The following MTUS2 variants were observed in gnomAD, a reference collection of about 807,000 sequenced individuals.
The protein encoded by MTUS2 is microtubule-associated tumor suppressor candidate 2.
MTUS2 carries 40 observed loss-of-function variants against 114.1 expected under a neutral mutation model. That is an observed-to-expected ratio of 0.35 (90% CI 0.27 to 0.46). The LOEUF (loss-of-function observed/expected upper bound fraction) is 0.46. Among genes scored for constraint, MTUS2 ranks in the 20% least tolerant of loss-of-function variants. The pLI is 1.00. For synonymous variants in MTUS2, 688 were observed against 672.0 expected (o/e 1.02, Z -0.37); for missense variants, 1,679 against 1,705.4 (o/e 0.98, Z 0.27).
At chr13:28,956,061 C>T (rs911188220) in intron 2 of MTUS2, among the ~76,000 whole-genome samples, 9 of 148,162 alleles carry the variant, frequency 6.1e-5, no homozygotes, top group South Asian at 2.2e-4. Flanking sequence ...CTTGCCCCCC[C>T]CCATCCTTTC....
At chr13:29,325,225 G>A (rs1423058135) in intron 7 of MTUS2, among the ~76,000 whole-genome samples, 2 of 152,290 alleles carry the variant, frequency 1.3e-5, no homozygotes, top group African/African-American at 4.8e-5. Flanking sequence ...GGAGGCCAAG[G>A]CAGGTGGATC....
At chr13:29,446,075 C>T (rs1431035011) in intron 9 of MTUS2, among the ~76,000 whole-genome samples, 1 of 152,082 alleles carries the variant, frequency 6.6e-6, no homozygotes, top group African/African-American at 2.4e-5. Context: ...CCTAAGTCAT[C>T]GTTAGCATAA....
chr13:28,882,313 G>T (rs1475183601), intron 2 of MTUS2, among the ~76,000 whole-genome samples: 2 of 152,148 alleles, frequency 1.3e-5, no homozygotes, highest in African/African-American at 4.8e-5. Context: ...CTCCCAAAGT[G>T]CTGGGGTTAC....
intron 8 of MTUS2, among the ~76,000 whole-genome samples, chr13:29,414,559 T>G (rs1415893583): frequency 6.6e-6 from 1 of 151,914 alleles, no homozygotes; most frequent in Non-Finnish European, 1.5e-5. Context: ...TGTTTTTGTA[T>G]ATTATGGGAA....
intron 8 of MTUS2, among the ~76,000 whole-genome samples, chr13:29,427,670 T>G (rs1876652147): frequency 6.6e-6 from 1 of 152,210 alleles, no homozygotes; most frequent in Non-Finnish European, 1.5e-5. Flanking sequence ...GAGCCTATAC[T>G]ACTTAATTAA....
intron 4 of MTUS2, among the ~76,000 whole-genome samples, chr13:29,075,400 T>G (rs1050734862): frequency 6.6e-6 from 1 of 152,216 alleles, no homozygotes; most frequent in Non-Finnish European, 1.5e-5. Context: ...TTATAAAAGT[T>G]TTGAATCCTA....
At chr13:29,120,034 C>T (rs956858130) in intron 5 of MTUS2, among the ~76,000 whole-genome samples, 2 of 152,050 alleles carry the variant, frequency 1.3e-5, no homozygotes, top group African/African-American at 4.8e-5. Flanking sequence ...AGCCAATATC[C>T]AACAAACTTA....
chr13:29,249,943 A>G (rs189451501), intron 5 of MTUS2, among the ~76,000 whole-genome samples: 18 of 152,322 alleles, frequency 1.2e-4, no homozygotes, highest in Non-Finnish European at 1.9e-4. Flanking sequence ...CCTAGGCAAT[A>G]CCATTCAGGA....
intron 5 of MTUS2, among the ~76,000 whole-genome samples, chr13:29,270,424 C>G (rs1418689471): frequency 1.3e-5 from 2 of 152,158 alleles, no homozygotes; most frequent in Non-Finnish European, 2.9e-5. Context: ...AGCACTACTT[C>G]TCAGAGCCAA....
intron 8 of MTUS2, among the ~76,000 whole-genome samples, chr13:29,410,616 A>G (rs1226302379): frequency 1.3e-5 from 2 of 152,126 alleles, no homozygotes; most frequent in Non-Finnish European, 2.9e-5. Flanking sequence ...AGAGTTTTTT[A>G]TATATTACAG....
At position 29,200,019 on chromosome 13, in the gene MTUS2, G is replaced by A. The variant is rs1469609741; in HGVS notation, c.2645-81685G>A. ...CTCGGATAGTAGTTTGTATTTCTGTGGGATCAGTGGTGATATCTGCTTTAT... is the reference window on the plus strand; with the variant it reads ...CTCGGATAGTAGTTTGTATTTCTGTAGGATCAGTGGTGATATCTGCTTTAT... On this transcript the variant is annotated intron_variant, in intron 5 of 15. Transcript: ENST00000612955. Among the ~76,000 whole-genome samples the A allele has an allele frequency of 2.0e-5, 3 of 152,020 alleles. 1 individual carries two copies. Among genetic ancestry groups the A allele is most frequent in the Admixed American group, 2.0e-4 (3 of 15,272 alleles).
chr13:29,071,031 G>A (rs1443285221), intron 4 of MTUS2, among the ~76,000 whole-genome samples: 2 of 150,544 alleles, frequency 1.3e-5, no homozygotes, highest in African/African-American at 4.9e-5. Context: ...TTGAGACAGA[G>A]TCTCATTCTG....
chr13:28,886,625 C>CT (rs949174173), intron 2 of MTUS2, among the ~76,000 whole-genome samples: 16 of 151,936 alleles, frequency 1.1e-4, no homozygotes, highest in Non-Finnish European at 1.9e-4. Context: ...TATGAGAGTG[C>CT]TAAGGGGAAA....
At chr13:28,937,907 C>T (rs1881998038) in intron 2 of MTUS2, among the ~76,000 whole-genome samples, 1 of 152,058 alleles carries the variant, frequency 6.6e-6, no homozygotes, top group Non-Finnish European at 1.5e-5. Context: ...AGCTTTGGTA[C>T]CCTCACTCCT....
intron 11 of MTUS2, chr13:29,489,834 T>A (rs1398994941): frequency 6.6e-6 from 1 of 152,266 alleles, no homozygotes; most frequent in African/African-American, 2.4e-5. Flanking sequence ...GAATGGATAC[T>A]GCCTCTTCTT....
At chr13:29,323,323 C>T (rs1199561788) in intron 6 of MTUS2, among the ~76,000 whole-genome samples, 1 of 151,568 alleles carries the variant, frequency 6.6e-6, no homozygotes, top group Non-Finnish European at 1.5e-5. Flanking sequence ...GATCTCGGCT[C>T]ACTGCAAGCG....
chr13:29,328,653 G>C lies in MTUS2; in HGVS notation c.2905+3942G>C, dbSNP rs1900633013. On this transcript the variant is annotated intron_variant, in intron 7 of 15. Transcript: ENST00000612955. ...AATAGATGGAAAATGTCTCTTTAAA[G>C]ATTTCAAAGCTCTCAGGCTCTCAGT... is the stretch of plus-strand genomic sequence containing the variant. Among the ~76,000 whole-genome samples, 4 of 152,188 alleles carry C rather than the reference G, an allele frequency of 2.6e-5. No homozygotes were observed. The South Asian group carries it at 8.3e-4, about 32-fold the overall frequency.
At chr13:29,309,369 G>A (rs572480458) in intron 6 of MTUS2, among the ~76,000 whole-genome samples, 234 of 152,222 alleles carry the variant, frequency 1.5e-3, no homozygotes, top group African/African-American at 5.2e-3. Flanking sequence ...TTATAAGTAG[G>A]TGCTGAATAA....
intron 5 of MTUS2, among the ~76,000 whole-genome samples, chr13:29,224,018 C>T (rs1304183965): frequency 6.6e-6 from 1 of 152,206 alleles, no homozygotes; most frequent in Admixed American, 6.5e-5. Flanking sequence ...TGGCTGGACC[C>T]CACACTCTCT....
Sources: gnomAD v4.1 joint callset for allele counts (sites outside exome capture counted in the v4.1 genomes callset) on GRCh38, gnomAD v4.1.1 for gene constraint, MANE v1.5 for transcripts, NCBI Gene and HGNC (gene_info 2026-07-23, HGNC 2026-07-21) for gene names.